The following EVL variants were observed in gnomAD, a reference collection of about 807,000 sequenced individuals.
EVL encodes ena/VASP-like protein.
In EVL, 21 loss-of-function variants were observed where a neutral mutation model predicts 59.6. The ratio of observed to expected loss-of-function variants is 0.35; its 90% CI spans 0.25 to 0.51. EVL has a LOEUF of 0.51. Ranked by LOEUF, EVL falls within the 20% of genes least tolerant of loss-of-function variation. The pLI is 0.97. For synonymous variants in EVL, 198 were observed against 203.5 expected (o/e 0.97, Z 0.23); for missense variants, 462 against 546.6 (o/e 0.85, Z 1.54).
intron 2 of EVL, among the ~76,000 whole-genome samples, chr14:100,088,132 T>C (rs2062486343): frequency 1.3e-5 from 2 of 152,154 alleles, no homozygotes; most frequent in African/African-American, 4.8e-5. Flanking sequence ...TGTTGAAAGA[T>C]GGAAAGTGTT....
upstream of EVL, among the ~76,000 whole-genome samples, chr14:100,062,086 T>C (rs1334220729): frequency 7.2e-5 from 11 of 151,960 alleles, no homozygotes; most frequent in East Asian, 2.1e-3. Flanking sequence ...TGCAGTGAGC[T>C]GTAATCATAC....
In EVL at chr14:100,127,225, G is replaced by A. The variant is rs907338988; in HGVS notation, c.487+454G>A. 1.2e-4 allele frequency among the ~76,000 whole-genome samples: 18 copies of A among 152,234 alleles called. No homozygotes were observed. Among genetic ancestry groups the A allele is most frequent in the African/African-American group, 3.6e-4 (15 of 41,464 alleles). On this transcript the variant is annotated intron_variant, in intron 5 of 13. Coordinates refer to ENST00000392920, the MANE Select transcript of EVL (RefSeq NM_016337.3). The surrounding 1 kb of genome is among the most constrained non-coding windows in gnomAD (Gnocchi z 4.2). ...GACTTCCCACAGGAGGCGCTGCCACGCGTCTGTCTTGGACGTTCGGTGGAG... is the reference window on the plus strand; with the variant it reads ...GACTTCCCACAGGAGGCGCTGCCACACGTCTGTCTTGGACGTTCGGTGGAG...
Position 100,014,861 on chromosome 14 carries a change from C to T in EVL, c.5+42804C>T, listed in dbSNP as rs186368995. Among the ~76,000 whole-genome samples the T allele has an allele frequency of 3.3e-5, 5 of 152,206 alleles. No individual in the cohort carries two copies. In the East Asian group the frequency reaches 5.8e-4, roughly 18 times the overall value. On this transcript the variant is annotated intron_variant, in intron 1 of 13. Coordinates refer to the EVL transcript ENST00000402714. ...GACACTGTTGAATTCCTCTTATTACCGCTCAGCCCCCTGGCCATTGGAAAG... is the reference window on the plus strand; with the variant it reads ...GACACTGTTGAATTCCTCTTATTACTGCTCAGCCCCCTGGCCATTGGAAAG...
chr14:100,010,239 A>T (rs2061007738), intron 1 of EVL, among the ~76,000 whole-genome samples: 1 of 152,234 alleles, frequency 6.6e-6, no homozygotes, highest in African/African-American at 2.4e-5. Context: ...TGCCAGAGTC[A>T]CTCAGATTGG....
chr14:100,141,199 G>C lies in EVL; in HGVS notation c.1114G>C (p.Val372Leu), dbSNP rs367893270. The change falls in exon 12 of 14, where the codon GTG (valine) becomes CTG (leucine). Residue 372 changes from valine to leucine, a missense_variant. Transcript: ENST00000392920. ...PHSRMKPAGS[V>L]NDMALDAFDL... ...TCCCAGGATGAAGCCTGCTGGGAGC[G>C]TGAATGACATGGCCCTGGATGCCTT... is the stretch of plus-strand genomic sequence containing the variant. 6.2e-7 allele frequency: 1 copy of C among 1,613,854 alleles called. No homozygotes were observed. Among genetic ancestry groups the C allele is most frequent in the African/African-American group, 1.3e-5 (1 of 75,062 alleles).
intron 1 of EVL, among the ~76,000 whole-genome samples, chr14:99,980,267 A>G (rs1034156668): frequency 2.0e-5 from 3 of 152,214 alleles, no homozygotes; most frequent in South Asian, 2.1e-4. Flanking sequence ...ATACTTGATC[A>G]TATCAGTAGT....
intron 7 of EVL, among the ~76,000 whole-genome samples, chr14:100,132,085 C>T (rs1448455928): frequency 6.6e-6 from 1 of 151,958 alleles, no homozygotes; most frequent in African/African-American, 2.4e-5. Flanking sequence ...CCTGGGAGGT[C>T]AGCAGATACC....
intron 3 of EVL, among the ~76,000 whole-genome samples, chr14:100,121,973 G>GA (rs1379468631): frequency 2.0e-5 from 3 of 152,198 alleles, no homozygotes; most frequent in African/African-American, 7.2e-5. Flanking sequence ...ATCCAGGAGT[G>GA]AACTCAGCCG....
At chr14:100,030,317 C>T (rs1056037607) in intron 1 of EVL, among the ~76,000 whole-genome samples, 1 of 151,772 alleles carries the variant, frequency 6.6e-6, no homozygotes, top group Admixed American at 6.6e-5. Flanking sequence ...GGTCAGCCTG[C>T]TCTCAAACTC....
At chr14:99,985,762 C>T in intron 1 of EVL, among the ~76,000 whole-genome samples, 1 of 140,608 alleles carries the variant, frequency 7.1e-6, no homozygotes, top group East Asian at 2.1e-4. Flanking sequence ...AGCGAAGCTC[C>T]ATCTCAGAAA....
chr14:100,100,628 G>T (rs1288435840), intron 3 of EVL, among the ~76,000 whole-genome samples: 2 of 151,904 alleles, frequency 1.3e-5, no homozygotes, highest in Non-Finnish European at 2.9e-5. Context: ...CAGTGTGTAT[G>T]ATTAGCTTGG....
At chr14:100,066,714 T>C (rs2140271913) in intron 1 of EVL, among the ~76,000 whole-genome samples, 1 of 152,350 alleles carries the variant, frequency 6.6e-6, no homozygotes, top group East Asian at 1.9e-4. Flanking sequence ...CAGCTTATTC[T>C]ACCGTGTCAA....
At chr14:100,011,309 C>A (rs2061015635) in intron 1 of EVL, among the ~76,000 whole-genome samples, 1 of 152,098 alleles carries the variant, frequency 6.6e-6, no homozygotes, top group Non-Finnish European at 1.5e-5. Flanking sequence ...ATTTGACTTA[C>A]TTTTGAATAG....
chr14:100,005,333 G>C lies in EVL; in HGVS notation c.5+33276G>C, dbSNP rs183280030. 2.7e-4 allele frequency among the ~76,000 whole-genome samples: 41 copies of C among 152,254 alleles called. 2 individuals are homozygous for C. The East Asian group carries it at 5.0e-3, about 19-fold the overall frequency. ...ATTTTACTAAATAATTCAAGATGTA[G>C]CTGTTTTCATTAAATTAATATCAAT... On this transcript the variant is annotated intron_variant, in intron 1 of 13. Transcript: ENST00000402714.
At chr14:100,059,522 A>C (rs1205666766) in intron 1 of EVL, among the ~76,000 whole-genome samples, 2 of 152,210 alleles carry the variant, frequency 1.3e-5, no homozygotes, top group Non-Finnish European at 2.9e-5. Flanking sequence ...GCATGTACAG[A>C]GTGAGATTCT....
At chr14:100,097,693 C>A (rs903933686) in intron 3 of EVL, 35 bp downstream of exon 3, 1 of 1,567,624 alleles carries the variant, frequency 6.4e-7, no homozygotes, top group African/African-American at 1.4e-5. Flanking sequence ...GATGCTGAGA[C>A]CCTCTCTTGT....
At chr14:100,061,439 T>A (rs933429403), upstream of EVL, among the ~76,000 whole-genome samples, 260 of 13,686 alleles carry the variant, frequency 0.019, no homozygotes, top group Non-Finnish European at 0.024. Flanking sequence ...AAAGAAATGC[T>A]AAAGGAAGTT....
intron 8 of EVL, 112 bp from the exon 9 acceptor site, chr14:100,135,793 T>C: frequency 1.1e-6 from 1 of 914,274 alleles, no homozygotes; most frequent in Non-Finnish European, 1.8e-6. Context: ...ATAAAAGTCA[T>C]ATGTGTTCAT....
chr14:100,006,830 G>GT (rs2060985662), intron 1 of EVL, among the ~76,000 whole-genome samples: 1 of 147,610 alleles, frequency 6.8e-6, no homozygotes, highest in Non-Finnish European at 1.5e-5. Context: ...AAAAAAAGGA[G>GT]TTGTACAGCA....
Sources: allele counts gnomAD v4.1 joint callset (sites outside exome capture counted in the v4.1 genomes callset), GRCh38; gene constraint gnomAD v4.1.1; non-coding constraint Gnocchi (gnomAD v3.1); transcripts MANE v1.5; gene names NCBI Gene and HGNC (gene_info 2026-07-23, HGNC 2026-07-21).